The following ABCC6 variants were observed in gnomAD, a reference collection of about 807,000 sequenced individuals.
The protein encoded by ABCC6 is ATP binding cassette subfamily C member 6.
In ABCC6, 126 loss-of-function variants were observed where a neutral mutation model predicts 169.5. The observed-to-expected ratio is 0.74, with a 90% CI of 0.64 to 0.86. The LOEUF is 0.86. Among genes scored for constraint, ABCC6 ranks in the 40% least tolerant of loss-of-function variants. The probability of loss-of-function intolerance (pLI) is 0.00; values close to 1 mark genes in which losing one functional copy is unlikely to be tolerated. For missense variants in ABCC6, 1,733 were observed against 1,927.2 expected (o/e 0.90, Z 1.89); for synonymous variants, 752 against 814.7 (o/e 0.92, Z 1.31).
At chr16:16,184,198 CAAAAAAAAAAAAAAA>C (rs56071235) in intron 15 of ABCC6, 15 of 71,950 alleles carry the variant, frequency 2.1e-4, no homozygotes, top group Admixed American at 5.9e-4. Context: ...GACTCCGTTT[CAAAAAAAAAAAAAAA>C]AAAAAAAAAA....
chr16:16,182,618 G>A (rs1306847757), intron 16 of ABCC6, 30 bp from the exon 17 acceptor site: 4 of 1,608,892 alleles, frequency 2.5e-6, no homozygotes, highest in Admixed American at 3.3e-5. Context: ...GGTCACAGGA[G>A]GATGATGGGG....
At position 16,150,773 on chromosome 16, in the gene ABCC6, C is replaced by T. The variant is rs1326045319; in HGVS notation, c.4209-1G>A. The T allele has an allele frequency of 1.2e-6, 2 of 1,613,234 alleles. No individual in the cohort carries two copies. The highest frequency in any genetic ancestry group is 1.7e-6 in the Non-Finnish European group (2 of 1,179,844). On this transcript the variant is annotated splice_acceptor_variant, in intron 29 of 30. Coordinates refer to ENST00000205557, the MANE Select transcript of ABCC6 (RefSeq NM_001171.6). LOFTEE classifies it high-confidence loss of function. ...ACACAGGAGCTGTTTCTGGCCCACG[C>T]TGGGAACGATTGGGACAATTAGCTG...
chr16:16,203,644 C>T (rs1296843142), intron 7 of ABCC6, 31 bp from the exon 8 acceptor site: 2 of 1,612,242 alleles, frequency 1.2e-6, no homozygotes, highest in Admixed American at 3.3e-5. Flanking sequence ...AGCTCTGGGT[C>T]CCATTTTATA....
intron 8 of ABCC6, 34 bp from the exon 9 acceptor site, chr16:16,202,212 T>G: frequency 6.3e-7 from 1 of 1,582,898 alleles, no homozygotes; most frequent in East Asian, 2.3e-5. Context: ...GTACAGCTGG[T>G]GAGAGGAGGT....
chr16:16,161,395 CTCTG>C (rs2046710966), intron 25 of ABCC6, 39 bp downstream of exon 25: 5 of 1,613,196 alleles, frequency 3.1e-6, no homozygotes, highest in African/African-American at 1.3e-5. Context: ...CAGTCTCTGC[CTCTG>C]TCTGTCCCTC....
At chr16:16,189,610 G>T (rs1162321813) in intron 12 of ABCC6, among the ~76,000 whole-genome samples, 1 of 152,010 alleles carries the variant, frequency 6.6e-6, no homozygotes, top group African/African-American at 2.4e-5. Context: ...TAGAGACAGG[G>T]TTTCGCCATG....
At chr16:16,203,920 G>A (rs1177404191) in intron 7 of ABCC6, among the ~76,000 whole-genome samples, 1 of 152,158 alleles carries the variant, frequency 6.6e-6, no homozygotes, top group Non-Finnish European at 1.5e-5. Context: ...GAAGCCAGGT[G>A]TTGTTCCCAT....
intron 27 of ABCC6, among the ~76,000 whole-genome samples, chr16:16,156,715 AG>A (rs201701586): frequency 0.011 from 1,637 of 151,944 alleles, 17 homozygotes; most frequent in Non-Finnish European, 0.017. Flanking sequence ...TGGGAGGCCG[AG>A]GGGGGTGATT....
intron 25 of ABCC6, among the ~76,000 whole-genome samples, chr16:16,161,049 G>A (rs959469676): frequency 2.0e-5 from 3 of 152,198 alleles, no homozygotes; most frequent in Non-Finnish European, 4.4e-5. Flanking sequence ...AGTTCTCAGT[G>A]AGCCGAGATT....
chr16:16,174,270 C>T (rs778728564), intron 20 of ABCC6, among the ~76,000 whole-genome samples: 2 of 152,204 alleles, frequency 1.3e-5, no homozygotes, highest in South Asian at 2.1e-4. Context: ...GGCAACCAAC[C>T]GTTCAAACCA....
Position 16,184,942 on chromosome 16 carries a change from C to T in ABCC6, c.1943+17G>A, listed in dbSNP as rs746268859. On this transcript the variant is annotated intron_variant, in intron 15 of 30. Transcript: ENST00000205557. ...CCTAAAAACATGAGGCTGGTTACTACGGGTGTCGTTCTGTACCTGTGGAGG... is the reference window on the plus strand; with the variant it reads ...CCTAAAAACATGAGGCTGGTTACTATGGGTGTCGTTCTGTACCTGTGGAGG... The T allele has an allele frequency of 2.2e-5, 35 of 1,607,468 alleles. No individual in the cohort carries two copies. The highest frequency in any genetic ancestry group is 8.0e-5 in the African/African-American group (6 of 74,804).
chr16:16,205,669 T>C (rs1392892960), intron 7 of ABCC6, among the ~76,000 whole-genome samples: 1 of 152,144 alleles, frequency 6.6e-6, no homozygotes, highest in Non-Finnish European at 1.5e-5. Flanking sequence ...CCCTTTCCTG[T>C]TTGATCCTGC....
At chr16:16,203,312 G>A (rs1388197246) in intron 8 of ABCC6, 98 bp downstream of exon 8, 21 of 1,563,392 alleles carry the variant, frequency 1.3e-5, no homozygotes, top group Middle Eastern at 1.9e-4. Flanking sequence ...AGCACCAGAC[G>A]TATAGGCAGA....
chr16:16,195,120 CAGA>C (rs766531569), intron 10 of ABCC6, among the ~76,000 whole-genome samples: 2 of 151,972 alleles, frequency 1.3e-5, no homozygotes, highest in African/African-American at 2.4e-5. Flanking sequence ...GGAATGTGAG[CAGA>C]AGATGAACAT....
intron 29 of ABCC6, among the ~76,000 whole-genome samples, chr16:16,152,836 A>C (rs1234305636): frequency 6.6e-6 from 1 of 151,878 alleles, no homozygotes. Context: ...ATTATTGCCT[A>C]CCACAAGCCC....
intron 18 of ABCC6, among the ~76,000 whole-genome samples, chr16:16,177,926 G>C (rs1011583043): frequency 6.6e-6 from 1 of 151,076 alleles, no homozygotes; most frequent in African/African-American, 2.4e-5. Flanking sequence ...CTGGGTGACA[G>C]AGCAAGACTC....
intron 6 of ABCC6, among the ~76,000 whole-genome samples, chr16:16,211,645 C>T (rs190525626): frequency 3.3e-5 from 5 of 152,172 alleles, no homozygotes; most frequent in East Asian, 3.9e-4. Flanking sequence ...GTCTGAATGC[C>T]GTGTGGTTAG....
At chr16:16,207,219 C>T (rs966375716) in intron 7 of ABCC6, among the ~76,000 whole-genome samples, 3 of 152,208 alleles carry the variant, frequency 2.0e-5, no homozygotes, top group Non-Finnish European at 4.4e-5. Context: ...GTGGGAACAG[C>T]CCCTACCCAC....
At chr16:16,214,215 C>CTTT in intron 5 of ABCC6, 109 bp downstream of exon 5, 1 of 1,544,940 alleles carries the variant, frequency 6.5e-7, no homozygotes, top group Non-Finnish European at 8.8e-7. Context: ...ATGTGGTACA[C>CTTT]TTTTTGCTGA....
Sources: gnomAD v4.1 joint callset for allele counts (sites outside exome capture counted in the v4.1 genomes callset) on GRCh38, gnomAD v4.1.1 for gene constraint, MANE v1.5 for transcripts, NCBI Gene and HGNC (gene_info 2026-07-23, HGNC 2026-07-21) for gene names.